The following TRPM6 variants were observed in gnomAD, a reference collection of about 807,000 sequenced individuals.
TRPM6 encodes the protein channel kinase 2.
TRPM6 carries 111 observed loss-of-function variants against 247.6 expected under a neutral mutation model. The observed-to-expected ratio is 0.45, with a 90% CI of 0.38 to 0.52. TRPM6 has a LOEUF of 0.52. TRPM6 is among the 20% of genes least tolerant of loss of function. The pLI is 0.00. For synonymous variants in TRPM6, 892 were observed against 853.8 expected (o/e 1.04, Z -0.78); for missense variants, 2,126 against 2,421.5 (o/e 0.88, Z 2.56).
At chr9:74,785,501 T>C (rs2118940728) in intron 21 of TRPM6, among the ~76,000 whole-genome samples, 1 of 151,006 alleles carries the variant, frequency 6.6e-6, no homozygotes, top group East Asian at 1.9e-4. Context: ...TACAGTTACT[T>C]ATGTACCCAC....
chr9:74,883,239 T>A (rs4745363), intron 1 of TRPM6, among the ~76,000 whole-genome samples: 56,290 of 152,106 alleles, frequency 0.37, 12,013 homozygotes, highest in East Asian at 0.5. Context: ...ATATATGCCA[T>A]ATTTTGTTTA....
intron 23 of TRPM6, among the ~76,000 whole-genome samples, chr9:74,781,536 C>CAAAAAAAAAAAAAAAAAAAAA (rs35938872): frequency 1.1e-5 from 1 of 93,534 alleles, no homozygotes; most frequent in Non-Finnish European, 2.0e-5. Flanking sequence ...GACTCTATCT[C>CAAAAAAAAAAAAAAAAAAAAA]AAAAAAAAAA....
rs149651828 is a variant in TRPM6 at position 74,776,025 on chromosome 9, G to A, written c.3261C>T (p.Asn1087=). 1,012 of 1,614,128 alleles carry A rather than the reference G, an allele frequency of 6.3e-4. 1 individual carries two copies. The highest frequency in any genetic ancestry group is 7.0e-4 in the Non-Finnish European group (825 of 1,180,012). Residue 1087 remains asparagine, a synonymous_variant, in exon 24 of 39, where the codon AAC becomes AAT. Coordinates refer to ENST00000360774, the MANE Select transcript of TRPM6 (RefSeq NM_017662.5). The part of the protein sequence containing the change: ...ESISNNLWKY[N]RYRYIMTYHE... ...GGTAGGTCATGATGTAGCGATAGCGGTTGTATTTCCACAGGTTATTTGAAA... is the reference window on the plus strand; with the variant it reads ...GGTAGGTCATGATGTAGCGATAGCGATTGTATTTCCACAGGTTATTTGAAA...
chr9:74,856,376 G>C (rs1461746412), intron 2 of TRPM6, among the ~76,000 whole-genome samples: 1 of 152,000 alleles, frequency 6.6e-6, no homozygotes, highest in East Asian at 1.9e-4. Context: ...GGAGGTCGAG[G>C]CTTCAGTAAG....
At chr9:74,858,805 A>G (rs1382590851) in intron 1 of TRPM6, 57 bp from the exon 2 acceptor site, 2 of 1,403,692 alleles carry the variant, frequency 1.4e-6, no homozygotes, top group African/African-American at 1.4e-5. Flanking sequence ...CAATGTAACC[A>G]TAGTAGTTCC....
At chr9:74,886,548 T>G (rs1319262658) in intron 1 of TRPM6, among the ~76,000 whole-genome samples, 1 of 152,084 alleles carries the variant, frequency 6.6e-6, no homozygotes, top group Non-Finnish European at 1.5e-5. Flanking sequence ...CTCCGTGTCT[T>G]AAAGCACTGA....
chr9:74,732,863 T>C (rs1825568684), intron 36 of TRPM6, 127 bp from the exon 37 acceptor site: 3 of 784,908 alleles, frequency 3.8e-6, no homozygotes, highest in Non-Finnish European at 6.3e-6. Flanking sequence ...AAATTAAACA[T>C]CATGAGCCCA....
intron 25 of TRPM6, among the ~76,000 whole-genome samples, chr9:74,767,534 C>A (rs888807821): frequency 2.0e-5 from 3 of 152,092 alleles, no homozygotes; most frequent in African/African-American, 7.2e-5. Flanking sequence ...TGCTCAGTTA[C>A]CTCAGGAAAT....
chr9:74,816,335 T>C (rs1828923603), intron 11 of TRPM6, among the ~76,000 whole-genome samples: 1 of 152,096 alleles, frequency 6.6e-6, no homozygotes, highest in South Asian at 2.1e-4. Context: ...TACCATTGCA[T>C]GACATCCTGG....
chr9:74,782,515 G>T (rs765158118), intron 22 of TRPM6, 39 bp from the exon 23 acceptor site: 2 of 1,528,042 alleles, frequency 1.3e-6, no homozygotes, highest in Admixed American at 1.8e-5. Flanking sequence ...AAGATAAGAT[G>T]AATCACAGTC....
chr9:74,747,877 A>G lies in TRPM6; in HGVS notation c.5083+12T>C. On this transcript the variant is annotated intron_variant, in intron 31 of 38. Transcript: ENST00000360774. Reference sequence around the variant, plus strand: ...AAAATAAAAAATAAAATGTTTAAACAGAAAAACTTACTGTCAACTCCAATT... The same window carrying G: ...AAAATAAAAAATAAAATGTTTAAACGGAAAAACTTACTGTCAACTCCAATT... 2 of 1,603,432 alleles carry G rather than the reference A, an allele frequency of 1.2e-6. No homozygotes were observed. Among genetic ancestry groups the G allele is most frequent in the Non-Finnish European group, 1.7e-6 (2 of 1,172,914 alleles).
At chr9:74,829,293 AAAAT>A (rs1026570271) in intron 6 of TRPM6, among the ~76,000 whole-genome samples, 1 of 152,174 alleles carries the variant, frequency 6.6e-6, no homozygotes, top group Admixed American at 6.5e-5. Context: ...CCCCATCTCA[AAAAT>A]AAATAAATAA....
rs1829970107 is a variant in TRPM6 at position 74,842,322 on chromosome 9, A to C, written c.174T>G (p.Ile58Met). The change falls in exon 4 of 39, where the codon ATT becomes ATG. Residue 58 changes from isoleucine to methionine, a missense_variant. By Grantham distance (10) the Ile-to-Met change is conservative (BLOSUM62 1). Around this residue, in one of 3 missense-constraint regions of TRPM6, gnomAD observed 1,082 missense variants for 1,307.9 expected, o/e 0.83. Transcript: ENST00000360774. The stretch of plus-strand genomic sequence containing the variant: ...AATAATCTATCCCAGCATGGTCTCC[A>C]ATCAGTCGGCCACAGTAACACCTTA... The part of the protein sequence containing the change: ...NLIRCYCGRL[I>M]GDHAGIDYSW... 1.2e-6 allele frequency: 2 copies of C among 1,614,026 alleles called. No homozygotes were observed. The highest frequency in any genetic ancestry group is 1.3e-5 in the African/African-American group (1 of 74,906).
chr9:74,835,253 T>C lies in TRPM6; in HGVS notation c.545-1131A>G, dbSNP rs182229326. ...TCTTCTAATGAAAAGTGTCTGTTCATATCCTTTGCCCACTTTTTGATGGGG... is the reference window on the plus strand; with the variant it reads ...TCTTCTAATGAAAAGTGTCTGTTCACATCCTTTGCCCACTTTTTGATGGGG... On this transcript the variant is annotated intron_variant, in intron 5 of 38. Coordinates refer to ENST00000360774, the MANE Select transcript of TRPM6 (RefSeq NM_017662.5). Among the ~76,000 whole-genome samples the C allele has an allele frequency of 6.7e-3, 1,024 of 152,332 alleles. 18 individuals carry two copies. The highest frequency in any genetic ancestry group is 6.8e-3 in the Middle Eastern group (2 of 294).
intron 5 of TRPM6, among the ~76,000 whole-genome samples, chr9:74,838,071 C>T (rs1012636153): frequency 4.6e-5 from 7 of 152,206 alleles, no homozygotes; most frequent in Middle Eastern, 6.8e-3. Context: ...TAGTGGAGAT[C>T]CAAGTATTTC....
intron 23 of TRPM6, among the ~76,000 whole-genome samples, chr9:74,780,042 T>G (rs951829906): frequency 4.0e-5 from 6 of 151,404 alleles, no homozygotes; most frequent in Admixed American, 6.6e-5. Flanking sequence ...TGTGGTGGCA[T>G]GCACCTGTAG....
intron 25 of TRPM6, among the ~76,000 whole-genome samples, chr9:74,770,523 C>G (rs1203487498): frequency 1.3e-5 from 2 of 152,162 alleles, no homozygotes. Context: ...TGTTCAGTCT[C>G]TCCAGTGTGT....
chr9:74,838,908 G>A (rs1042730139), intron 5 of TRPM6, among the ~76,000 whole-genome samples: 14 of 152,002 alleles, frequency 9.2e-5, no homozygotes, highest in Non-Finnish European at 1.6e-4. Context: ...TCAGGAGTTC[G>A]AGGCCAGCCT....
chr9:74,758,146 G>A (rs538733643), intron 27 of TRPM6, among the ~76,000 whole-genome samples: 6 of 152,276 alleles, frequency 3.9e-5, no homozygotes, highest in Non-Finnish European at 8.8e-5. Context: ...AATTGAATTT[G>A]TAGTTAAAAG....
Sources: allele counts gnomAD v4.1 joint callset (sites outside exome capture counted in the v4.1 genomes callset), GRCh38; gene constraint gnomAD v4.1.1; regional missense constraint gnomAD v4.1.1; transcripts MANE v1.5; gene names NCBI Gene and HGNC (gene_info 2026-07-23, HGNC 2026-07-21).